Variants in LARGE1 observed in about 807,000 individuals in gnomAD.
The protein encoded by LARGE1 is xylosyl- and glucuronyltransferase LARGE1.
A neutral mutation model predicts 87.6 loss-of-function variants in LARGE1; 43 were observed. That is an observed-to-expected ratio of 0.49 (90% CI 0.38 to 0.63). The LOEUF (loss-of-function observed/expected upper bound fraction) is 0.63. Ranked by LOEUF, LARGE1 falls within the 30% of genes least tolerant of loss-of-function variation. The pLI, the probability that LARGE1 is intolerant of heterozygous loss-of-function variation, is 0.00. For synonymous variants in LARGE1, 434 were observed against 394.6 expected, an observed-to-expected ratio of 1.10 and a Z score of -1.18; for missense variants, 802 against 1,000.2, an observed-to-expected ratio of 0.80 and a Z score of 2.67.
chr22:33,244,943 G>T (rs1926688849), intron 11 of LARGE1, among the ~76,000 whole-genome samples: 1 of 151,942 alleles, frequency 6.6e-6, no homozygotes, highest in African/African-American at 2.4e-5. Context: ...ACTTTAAAAA[G>T]TTTGTGGAAA....
chr22:33,702,193 T>C (rs1219220538), intron 2 of LARGE1, among the ~76,000 whole-genome samples: 1 of 152,206 alleles, frequency 6.6e-6, no homozygotes, highest in African/African-American at 2.4e-5. Flanking sequence ...ATGAATTACA[T>C]GCACTAAGAC....
intron 6 of LARGE1, among the ~76,000 whole-genome samples, chr22:33,481,705 C>G (rs868221655): frequency 6.6e-6 from 1 of 152,180 alleles, no homozygotes; most frequent in South Asian, 2.1e-4. Flanking sequence ...AAACCTTGCC[C>G]GTTAGAACAA....
chr22:33,859,343 G>C (rs901458550), intron 1 of LARGE1, among the ~76,000 whole-genome samples: 1 of 152,102 alleles, frequency 6.6e-6, no homozygotes, highest in East Asian at 1.9e-4. Flanking sequence ...CACGAGCTTT[G>C]GGAAAAGGTA....
At chr22:33,334,231 T>C (rs1300512189) in intron 10 of LARGE1, among the ~76,000 whole-genome samples, 2 of 151,882 alleles carry the variant, frequency 1.3e-5, no homozygotes, top group Non-Finnish European at 2.9e-5. Flanking sequence ...CTGGCCAACA[T>C]GGTGAAACCC....
At position 33,361,158 on chromosome 22, in the gene LARGE1, C is replaced by T. The variant is rs576985994; in HGVS notation, c.1131+20761G>A. On this transcript the variant is annotated intron_variant, in intron 9 of 14. Transcript: ENST00000397394. The stretch of plus-strand genomic sequence containing the variant: ...CTGAGAGGTGGGGGTTACAGTGAGC[C>T]GAGAATGCGCCATTGCACTCCAGCC... Among the ~76,000 whole-genome samples the T allele has an allele frequency of 1.9e-4, 28 of 148,474 alleles. 2 individuals are homozygous for T. Among genetic ancestry groups the T allele is most frequent in the South Asian group, 1.6e-3 (7 of 4,406 alleles).
At chr22:33,630,565 T>C (rs974006000) in intron 3 of LARGE1, among the ~76,000 whole-genome samples, 18 of 152,026 alleles carry the variant, frequency 1.2e-4, no homozygotes, top group Non-Finnish European at 2.6e-4. Flanking sequence ...TCTCTTAACA[T>C]AGAAAAAGTA....
In LARGE1 at chr22:33,639,793, G is replaced by A. The variant is rs201527684; in HGVS notation, c.408+10574C>T. ...GCATGAGTGAAGATCAAAGGGGATC[G>A]TTCTGCTCCAACTTCTGAGGCACAC... On this transcript the variant is annotated intron_variant, in intron 3 of 14. Transcript: ENST00000397394. Among the ~76,000 whole-genome samples, 56 of 152,248 alleles carry A rather than the reference G, an allele frequency of 3.7e-4. No individual in the cohort carries two copies. The East Asian group carries it at 9.5e-3, about 26-fold the overall frequency.
intron 6 of LARGE1, among the ~76,000 whole-genome samples, chr22:33,448,850 T>C (rs987298600): frequency 1.3e-5 from 2 of 152,204 alleles, no homozygotes; most frequent in African/African-American, 2.4e-5. Context: ...ACCATCAAGA[T>C]ACAGAACTGT....
chr22:33,390,883 G>C (rs111866552), intron 7 of LARGE1, among the ~76,000 whole-genome samples: 1,853 of 152,184 alleles, frequency 0.012, 33 homozygotes, highest in African/African-American at 0.037. Context: ...TTTTAAGAGA[G>C]AAGGGGTTTC....
At chr22:33,211,636 G>A (rs1179277862) in intron 11 of LARGE1, among the ~76,000 whole-genome samples, 1 of 152,138 alleles carries the variant, frequency 6.6e-6, no homozygotes, top group African/African-American at 2.4e-5. Flanking sequence ...AGCCGGGCGT[G>A]GTGGCACACA....
At chr22:33,338,797 T>C (rs1461425811) in intron 9 of LARGE1, among the ~76,000 whole-genome samples, 1 of 151,956 alleles carries the variant, frequency 6.6e-6, no homozygotes, top group Non-Finnish European at 1.5e-5. Flanking sequence ...TCATGGTCAG[T>C]TGGGGAAAAG....
intron 12 of LARGE1, among the ~76,000 whole-genome samples, chr22:33,299,869 C>G (rs1244459962): frequency 1.3e-5 from 2 of 152,210 alleles, no homozygotes; most frequent in Non-Finnish European, 2.9e-5. Context: ...GGAGCTCATT[C>G]TTCAGAAAAA....
the LARGE1 span, among the ~76,000 whole-genome samples, chr22:33,124,395 A>AGGAAGGAAGGAAGGAAAGAAGG: frequency 3.4e-4 from 50 of 148,064 alleles, no homozygotes; most frequent in Non-Finnish European, 5.6e-4. Context: ...GGAGGAAGGA[A>AGGAAGGAAGGAAGGAAAGAAGG]AATGATGGCT....
chr22:33,732,574 T>C (rs2083509478), intron 2 of LARGE1: 1 of 152,452 alleles, frequency 6.6e-6, no homozygotes, highest in African/African-American at 2.4e-5. Flanking sequence ...GGACGCTTGG[T>C]TGAGTCACTG....
intron 11 of LARGE1, among the ~76,000 whole-genome samples, chr22:33,207,350 G>T (rs1036597496): frequency 6.6e-6 from 1 of 152,172 alleles, no homozygotes; most frequent in African/African-American, 2.4e-5. Flanking sequence ...TACAGTTGAC[G>T]CTTCTTCCCT....
At chr22:33,198,156 C>G (rs1445122993) in intron 11 of LARGE1, among the ~76,000 whole-genome samples, 1 of 152,076 alleles carries the variant, frequency 6.6e-6, no homozygotes, top group South Asian at 2.1e-4. Flanking sequence ...GTGGGGGGAA[C>G]AGGAGAAAGA....
intron 11 of LARGE1, among the ~76,000 whole-genome samples, chr22:33,230,624 T>C (rs1023580736): frequency 6.6e-6 from 1 of 152,196 alleles, no homozygotes; most frequent in Non-Finnish European, 1.5e-5. Context: ...TGAGAGAAAA[T>C]CCCTTCTCAG....
chr22:33,647,009 G>A (rs566056289), intron 3 of LARGE1, among the ~76,000 whole-genome samples: 2 of 152,316 alleles, frequency 1.3e-5, no homozygotes, highest in South Asian at 4.2e-4. Flanking sequence ...GATTATAGGC[G>A]TGAGCCACTG....
chr22:33,777,152 G>GA (rs2085263834), intron 1 of LARGE1, among the ~76,000 whole-genome samples: 2 of 152,098 alleles, frequency 1.3e-5, no homozygotes, highest in Non-Finnish European at 2.9e-5. Context: ...AGAACCATTA[G>GA]AAAAAATGAA....
Sources: gnomAD v4.1 joint callset for allele counts (sites outside exome capture counted in the v4.1 genomes callset) on GRCh38, gnomAD v4.1.1 for gene constraint, MANE v1.5 for transcripts, NCBI Gene and HGNC (gene_info 2026-07-23, HGNC 2026-07-21) for gene names.